Variants in MRAP2 observed in about 807,000 individuals in gnomAD.
MRAP2 encodes melanocortin-2 receptor accessory protein 2.
MRAP2 carries 20 observed loss-of-function variants against 17.4 expected under a neutral mutation model. The observed-to-expected ratio is 1.15, with a 90% confidence interval of 0.81 to 1.67. The LOEUF (loss-of-function observed/expected upper bound fraction) is 1.67. MRAP2 is among the 40% of genes most tolerant of loss of function. The pLI is 0.00. For missense variants in MRAP2, 238 were observed against 240.0 expected, an observed-to-expected ratio of 0.99 and a Z score of 0.05; for synonymous variants, 96 against 88.4, an observed-to-expected ratio of 1.09 and a Z score of -0.48.
chr6:84,116,907 T>C, the MRAP2 span, among the ~76,000 whole-genome samples: 1 of 152,142 alleles, frequency 6.6e-6, no homozygotes, highest in Non-Finnish European at 1.5e-5. Flanking sequence ...TTTTGAGAAT[T>C]TTTGCATCGA....
At chr6:84,130,807 C>T in the MRAP2 span, among the ~76,000 whole-genome samples, 1 of 152,108 alleles carries the variant, frequency 6.6e-6, no homozygotes, top group African/African-American at 2.4e-5. Context: ...AAAACCAGCT[C>T]CTGAATTCAC....
At chr6:84,082,146 C>G (rs1243015748) in intron 3 of MRAP2, among the ~76,000 whole-genome samples, 3 of 152,140 alleles carry the variant, frequency 2.0e-5, no homozygotes, top group Non-Finnish European at 4.4e-5. Context: ...AGAAATAGAA[C>G]AGTTTGCATT....
chr6:84,070,577 G>A (rs1018238579), intron 3 of MRAP2, among the ~76,000 whole-genome samples: 1 of 152,104 alleles, frequency 6.6e-6, no homozygotes, highest in Non-Finnish European at 1.5e-5. Context: ...TGTGGTTGTT[G>A]GATGAAATGT....
At chr6:84,141,975 A>G in the MRAP2 span, among the ~76,000 whole-genome samples, 1 of 152,190 alleles carries the variant, frequency 6.6e-6, no homozygotes, top group African/African-American at 2.4e-5. Context: ...GTCCTTTCTC[A>G]GTCTCTCAGA....
At chr6:84,092,729 A>C (rs888411129), downstream of MRAP2, among the ~76,000 whole-genome samples, 1 of 152,180 alleles carries the variant, frequency 6.6e-6, no homozygotes, top group Non-Finnish European at 1.5e-5. Flanking sequence ...GAACCCGTGT[A>C]TATGAAAATT....
At chr6:84,080,050 T>C (rs978404992) in intron 3 of MRAP2, among the ~76,000 whole-genome samples, 1 of 152,092 alleles carries the variant, frequency 6.6e-6, no homozygotes, top group Admixed American at 6.5e-5. Flanking sequence ...GATTTTTCTT[T>C]TGAGATGGAA....
chr6:84,124,705 C>T, the MRAP2 span: 12,407 of 268,590 alleles, frequency 0.046, 410 homozygotes, highest in Admixed American at 0.087. Flanking sequence ...TTACAACAAG[C>T]ACATGTACCC....
At chr6:84,074,104 A>G (rs1182923526) in intron 3 of MRAP2, among the ~76,000 whole-genome samples, 1 of 152,118 alleles carries the variant, frequency 6.6e-6, no homozygotes, top group Non-Finnish European at 1.5e-5. Flanking sequence ...TGAAGAGTCT[A>G]GGTAAAGAGT....
chr6:84,087,923 C>T (rs868717604), intron 3 of MRAP2, among the ~76,000 whole-genome samples: 9 of 152,180 alleles, frequency 5.9e-5, no homozygotes, highest in Admixed American at 1.3e-4. Context: ...TTGCTGACCT[C>T]TGAAATCCAG....
chr6:84,126,405 A>G, the MRAP2 span: 4 of 1,603,232 alleles, frequency 2.5e-6, no homozygotes, highest in Admixed American at 3.4e-5. Flanking sequence ...CTCTTTGTGC[A>G]TGTCTCATTT....
downstream of MRAP2, among the ~76,000 whole-genome samples, chr6:84,094,488 T>C (rs1279043984): frequency 6.6e-6 from 1 of 152,178 alleles, no homozygotes; most frequent in African/African-American, 2.4e-5. Context: ...CAGCTAAATA[T>C]TCAACTTTAT....
the MRAP2 span, among the ~76,000 whole-genome samples, chr6:84,138,611 G>A: frequency 6.6e-6 from 1 of 152,162 alleles, no homozygotes; most frequent in Non-Finnish European, 1.5e-5. Flanking sequence ...TGAGTGCTTA[G>A]CTTTCTAGTA....
chr6:84,059,825 G>A (rs924343413), intron 2 of MRAP2, among the ~76,000 whole-genome samples: 3 of 152,172 alleles, frequency 2.0e-5, no homozygotes, highest in African/African-American at 7.2e-5. Context: ...TTGGAGCTTT[G>A]CTCTGTATAA....
chr6:84,059,358 G>A (rs2099492501), intron 2 of MRAP2, among the ~76,000 whole-genome samples: 1 of 152,198 alleles, frequency 6.6e-6, no homozygotes, highest in African/African-American at 2.4e-5. Context: ...ATCACTGTTG[G>A]CTCTTTGCCA....
intron 2 of MRAP2, among the ~76,000 whole-genome samples, chr6:84,059,552 T>C (rs935801900): frequency 6.6e-6 from 1 of 152,232 alleles, no homozygotes; most frequent in Non-Finnish European, 1.5e-5. Context: ...GTAGTTAACC[T>C]AGTCCTACCC....
At chr6:84,135,828 A>T in the MRAP2 span, among the ~76,000 whole-genome samples, 1 of 152,128 alleles carries the variant, frequency 6.6e-6, no homozygotes, top group Non-Finnish European at 1.5e-5. Flanking sequence ...GTGCCACTGC[A>T]CTCCAGCCTG....
At chr6:84,075,380 C>A (rs891223525) in intron 3 of MRAP2, among the ~76,000 whole-genome samples, 1 of 152,178 alleles carries the variant, frequency 6.6e-6, no homozygotes, top group Non-Finnish European at 1.5e-5. Context: ...CATCACCCTT[C>A]TTAAAAGCTT....
At chr6:84,038,385 G>A (rs766775817) in intron 1 of MRAP2, among the ~76,000 whole-genome samples, 106 of 152,296 alleles carry the variant, frequency 7.0e-4, no homozygotes, top group Non-Finnish European at 1.2e-3. Flanking sequence ...GCATGCAGCA[G>A]GACATTGCAG....
chr6:84,044,585 G>C (rs1373514796), intron 1 of MRAP2, among the ~76,000 whole-genome samples: 1 of 152,242 alleles, frequency 6.6e-6, no homozygotes, highest in Non-Finnish European at 1.5e-5. Flanking sequence ...CTGCCCTCTT[G>C]TTGCCTCTTC....
Sources: gnomAD v4.1 joint callset for allele counts (sites outside exome capture counted in the v4.1 genomes callset) on GRCh38, gnomAD v4.1.1 for gene constraint, MANE v1.5 for transcripts, NCBI Gene and HGNC (gene_info 2026-07-23, HGNC 2026-07-21) for gene names.